Variants in TMOD2 observed in about 807,000 individuals in gnomAD.
The protein encoded by TMOD2 is tropomodulin-2.
In TMOD2, 22 loss-of-function variants were observed where a neutral mutation model predicts 39.9. The observed-to-expected ratio is 0.55, with a 90% CI of 0.39 to 0.79. The LOEUF (loss-of-function observed/expected upper bound fraction) is 0.79, where lower values mean the gene tolerates loss of function less well. TMOD2 is among the 30% of genes least tolerant of loss of function. The pLI, the probability that TMOD2 is intolerant of heterozygous loss-of-function variation, is 0.00. For missense variants in TMOD2, 386 were observed against 413.3 expected (o/e 0.93, Z 0.57); for synonymous variants, 123 against 146.1 (o/e 0.84, Z 1.14).
intron 3 of TMOD2, among the ~76,000 whole-genome samples, chr15:51,772,777 A>G (rs1487145509): frequency 6.6e-6 from 1 of 152,096 alleles, no homozygotes; most frequent in Non-Finnish European, 1.5e-5. Context: ...CAGATATGGC[A>G]TGCTAGTTGT....
intron 2 of TMOD2, among the ~76,000 whole-genome samples, chr15:51,767,788 A>T (rs116222796): frequency 0.016 from 2,419 of 152,250 alleles, 58 homozygotes; most frequent in African/African-American, 0.054. Flanking sequence ...TTGTTTTTTT[A>T]AATTAAGGAA....
At chr15:51,771,345 A>T (rs1455164081) in intron 3 of TMOD2, among the ~76,000 whole-genome samples, 1 of 152,222 alleles carries the variant, frequency 6.6e-6, no homozygotes, top group African/African-American at 2.4e-5. Context: ...AGTTCTGAAC[A>T]CTATGTGCTG....
At chr15:51,761,742 C>G (rs1197209271) in intron 1 of TMOD2, among the ~76,000 whole-genome samples, 1 of 151,038 alleles carries the variant, frequency 6.6e-6, no homozygotes, top group East Asian at 1.9e-4. Context: ...AAAAAAAATT[C>G]AAATAGAATC....
chr15:51,807,827 GGAA>G (rs2056130559), intron 9 of TMOD2, among the ~76,000 whole-genome samples: 1 of 152,138 alleles, frequency 6.6e-6, no homozygotes, highest in African/African-American at 2.4e-5. Context: ...AGTGAAAGGT[GGAA>G]GAAGAGGGTT....
chr15:51,775,680 C>T (rs1273107330), intron 4 of TMOD2, among the ~76,000 whole-genome samples: 3 of 141,986 alleles, frequency 2.1e-5, no homozygotes, highest in Admixed American at 7.8e-5. Context: ...GGAGTTCAAG[C>T]GATTCTTCTG....
Position 51,816,007 on chromosome 15 carries a change from A to G in TMOD2, c.*7553A>G, listed in dbSNP as rs369568704. ...GTTTTATTTTCCATTTGAAACTTCA[A>G]TCAAATCAAGACTATTATATTCATT... is the stretch of plus-strand genomic sequence containing the variant. On this transcript the variant is annotated 3_prime_UTR_variant, in exon 10 of 10. Coordinates refer to ENST00000249700, the MANE Select transcript of TMOD2 (RefSeq NM_014548.4). The G allele has an allele frequency of 8.5e-5, 13 of 152,248 alleles. No individual in the cohort carries two copies. Among genetic ancestry groups the G allele is most frequent in the African/African-American group, 2.9e-4 (12 of 41,462 alleles). The allele number at this position is 152,248 out of a possible 1,614,324, so 9.4% of individuals were successfully genotyped here.
chr15:51,790,024 G>A (rs1267004869), intron 7 of TMOD2, among the ~76,000 whole-genome samples: 2 of 151,664 alleles, frequency 1.3e-5, no homozygotes, highest in Non-Finnish European at 2.9e-5. Context: ...AAGAACTGAA[G>A]GAGATAGAGA....
intron 8 of TMOD2, among the ~76,000 whole-genome samples, chr15:51,803,496 T>G (rs1208038894): frequency 1.3e-5 from 2 of 152,208 alleles, no homozygotes; most frequent in Non-Finnish European, 2.9e-5. Context: ...TTCATTCTTA[T>G]GTTAAAATTC....
intron 1 of TMOD2, among the ~76,000 whole-genome samples, chr15:51,762,857 G>C (rs1426940210): frequency 6.6e-6 from 1 of 152,178 alleles, no homozygotes. Flanking sequence ...GTTCATCCAT[G>C]TTTTTGTGTA....
At chr15:51,775,049 G>A (rs1202986638) in intron 4 of TMOD2, among the ~76,000 whole-genome samples, 2 of 152,234 alleles carry the variant, frequency 1.3e-5, no homozygotes, top group Admixed American at 6.5e-5. Flanking sequence ...GGCTGGGGCT[G>A]TTGGCAGCAT....
At chr15:51,773,570 G>C (rs1395911880) in intron 3 of TMOD2, 142 bp from the exon 4 acceptor site, 29 of 712,922 alleles carry the variant, frequency 4.1e-5, no homozygotes, top group Non-Finnish European at 5.2e-5. Flanking sequence ...GTACCATCCT[G>C]GCAATCCAGG....
At chr15:51,803,867 A>C (rs2056105399) in intron 8 of TMOD2, among the ~76,000 whole-genome samples, 1 of 152,260 alleles carries the variant, frequency 6.6e-6, no homozygotes, top group South Asian at 2.1e-4. Flanking sequence ...CATTGTTCTT[A>C]TTCATCATTT....
rs935119254 is a variant in TMOD2, at chr15:51,753,546, CA to C, written c.-70+1844del. Among the ~76,000 whole-genome samples the C allele has an allele frequency of 2.5e-3, 360 of 141,608 alleles. 1 individual carries two copies. Among genetic ancestry groups the C allele is most frequent in the African/African-American group, 8.3e-3 (321 of 38,654 alleles). 92.9% of individuals were successfully genotyped at this position (141,608 alleles called of 152,430 possible). A position where few individuals can be genotyped will look rare whatever the true frequency, so the allele number is the denominator to read the frequency against. On this transcript the variant is annotated intron_variant, in intron 1 of 9. Coordinates refer to ENST00000249700, the MANE Select transcript of TMOD2 (RefSeq NM_014548.4). ...ATGTGTGAACTTTGAATCCTAGATGCAAAAAAAAAAGCTATAAAAGACAATT... is the reference window on the plus strand; with the variant it reads ...ATGTGTGAACTTTGAATCCTAGATGCAAAAAAAAAGCTATAAAAGACAATT...
At chr15:51,775,595 T>TTTTTTTC (rs2055882527) in intron 4 of TMOD2, among the ~76,000 whole-genome samples, 1 of 142,608 alleles carries the variant, frequency 7.0e-6, no homozygotes. Context: ...TTTTTTTTTT[T>TTTTTTTC]GAGACGGAGT....
intron 1 of TMOD2, among the ~76,000 whole-genome samples, chr15:51,759,016 G>GT (rs1402815144): frequency 6.6e-6 from 1 of 152,210 alleles, no homozygotes; most frequent in Non-Finnish European, 1.5e-5. Flanking sequence ...AGGATTTTAA[G>GT]TAACTAGAGA....
intron 8 of TMOD2, among the ~76,000 whole-genome samples, chr15:51,803,284 G>A (rs1026610496): frequency 2.0e-5 from 3 of 150,248 alleles, no homozygotes; most frequent in African/African-American, 4.9e-5. Flanking sequence ...AGGTTCAAGC[G>A]ATTCTCCTGC....
At chr15:51,752,757 C>T (rs951744571) in intron 1 of TMOD2, 1 of 152,294 alleles carries the variant, frequency 6.6e-6, no homozygotes, top group Admixed American at 6.5e-5. Context: ...ATTGTGACAA[C>T]AAGCGCCTCT....
chr15:51,782,052 T>C (rs927327847), intron 6 of TMOD2, among the ~76,000 whole-genome samples: 1 of 152,218 alleles, frequency 6.6e-6, no homozygotes, highest in African/African-American at 2.4e-5. Flanking sequence ...TCTCCACTTC[T>C]AACTGCACCC....
chr15:51,768,304 C>G lies in TMOD2; in HGVS notation c.169C>G (p.Gln57Glu). Residue 57 changes from glutamine to glutamate, a missense_variant, in exon 3 of 10, where the codon CAG becomes GAG. Gln to Glu is a conservative substitution (Grantham distance 29, BLOSUM62 2). Transcript: ENST00000249700. ...TGGATTTCGACAGAAAGACCAGACA[C>G]AGAAGGCAGCCACCGGCCCCTTTGA... The part of the protein sequence containing the change: ...PAGFRQKDQT[Q>E]KAATGPFDRE... 2 of 1,614,172 alleles carry G rather than the reference C, an allele frequency of 1.2e-6. No individual in the cohort carries two copies. Among genetic ancestry groups the G allele is most frequent in the Non-Finnish European group, 1.7e-6 (2 of 1,180,030 alleles).
Sources: allele counts gnomAD v4.1 joint callset (sites outside exome capture counted in the v4.1 genomes callset), GRCh38; gene constraint gnomAD v4.1.1; transcripts MANE v1.5; gene names NCBI Gene and HGNC (gene_info 2026-07-23, HGNC 2026-07-21).